Variants in SPHKAP observed in about 807,000 individuals in gnomAD.
SPHKAP encodes the protein SPHK1 interactor, AKAP domain containing.
A neutral mutation model predicts 137.5 loss-of-function variants in SPHKAP; 67 were observed. That is an observed-to-expected ratio of 0.49 (90% CI 0.40 to 0.60). SPHKAP has a LOEUF of 0.60. SPHKAP is among the 20% of genes least tolerant of loss of function. The pLI is 0.00. For missense variants in SPHKAP, 2,097 were observed against 2,069.3 expected (o/e 1.01, Z -0.26); for synonymous variants, 813 against 785.3 (o/e 1.04, Z -0.59).
chr2:228,127,597 C>T (rs924699653), intron 2 of SPHKAP, among the ~76,000 whole-genome samples: 8 of 152,078 alleles, frequency 5.3e-5, no homozygotes, highest in South Asian at 4.1e-4. Flanking sequence ...TTGCAGCAGC[C>T]CTTTCCAAGT....
intron 7 of SPHKAP, among the ~76,000 whole-genome samples, chr2:228,013,318 C>T (rs983209811): frequency 2.5e-4 from 38 of 152,178 alleles, no homozygotes; most frequent in African/African-American, 8.9e-4. Flanking sequence ...GAGGCACGAT[C>T]TCGGCTCACT....
intron 7 of SPHKAP, among the ~76,000 whole-genome samples, chr2:228,006,978 C>T (rs140913226): frequency 1.7e-4 from 26 of 152,274 alleles, no homozygotes; most frequent in African/African-American, 5.1e-4. Flanking sequence ...ATAGGCTACT[C>T]GGGGGTCAGG....
In SPHKAP at chr2:228,019,248, G is replaced by C; in HGVS notation, c.1606C>G (p.Leu536Val). Reference protein sequence around the residue: ...SNFPPGSSGALQTQAPQGLKE... With the variant: ...SNFPPGSSGAVQTQAPQGLKE... ...AGTCCTTGGGGTGCTTGAGTTTGCA[G>C]TGCACCACTGCTCCCTGGGGGAAAG... Residue 536 changes from leucine to valine, a missense_variant, in exon 7 of 12, where the codon CTG becomes GTG. Leu to Val is a conservative substitution (Grantham distance 32). Transcript: ENST00000392056. 6.2e-7 allele frequency: 1 copy of C among 1,613,946 alleles called. No individual in the cohort carries two copies. The highest frequency in any genetic ancestry group is 1.1e-5 in the South Asian group (1 of 91,088).
At chr2:228,031,863 C>A (rs1695339172) in intron 3 of SPHKAP, among the ~76,000 whole-genome samples, 3 of 152,162 alleles carry the variant, frequency 2.0e-5, no homozygotes, top group African/African-American at 7.2e-5. Flanking sequence ...GAAAGGACAT[C>A]CACACCAAAA....
At chr2:228,082,478 G>A (rs564040901) in intron 3 of SPHKAP, among the ~76,000 whole-genome samples, 1 of 152,242 alleles carries the variant, frequency 6.6e-6, no homozygotes, top group East Asian at 1.9e-4. Flanking sequence ...CAGGTGATAA[G>A]TGGGCAGAAA....
At chr2:228,031,038 G>C (rs11883639) in intron 3 of SPHKAP, among the ~76,000 whole-genome samples, 2 of 152,154 alleles carry the variant, frequency 1.3e-5, no homozygotes, top group East Asian at 3.9e-4. Flanking sequence ...TGGATGCAGC[G>C]CACCGTGCAT....
At chr2:228,041,650 A>G in intron 3 of SPHKAP, among the ~76,000 whole-genome samples, 1 of 148,944 alleles carries the variant, frequency 6.7e-6, no homozygotes. Context: ...CTGTCTCAAA[A>G]AAAAAAAAAA....
intron 3 of SPHKAP, among the ~76,000 whole-genome samples, chr2:228,028,757 A>G (rs147261471): frequency 3.8e-4 from 58 of 152,298 alleles, no homozygotes; most frequent in Non-Finnish European, 6.3e-4. Flanking sequence ...AGTATAGTCT[A>G]TGATGTTCAA....
At chr2:228,057,847 G>C (rs541232087) in intron 3 of SPHKAP, among the ~76,000 whole-genome samples, 33 of 152,220 alleles carry the variant, frequency 2.2e-4, no homozygotes, top group Admixed American at 5.2e-4. Context: ...GAAGCACTAG[G>C]AAGCCAATGA....
chr2:228,154,247 G>A (rs1225298140), intron 1 of SPHKAP, among the ~76,000 whole-genome samples: 3 of 151,040 alleles, frequency 2.0e-5, no homozygotes, highest in African/African-American at 7.3e-5. Flanking sequence ...CTTACAAGGG[G>A]AAAATATACC....
In SPHKAP at chr2:228,018,517, G is replaced by A. The variant is rs751777195; in HGVS notation, c.2337C>T (p.Asn779=). 6.2e-7 allele frequency: 1 copy of A among 1,614,158 alleles called. No individual in the cohort carries two copies. Among genetic ancestry groups the A allele is most frequent in the Non-Finnish European group, 8.5e-7 (1 of 1,180,022 alleles). Residue 779 remains asparagine (N), a synonymous_variant, in exon 7 of 12, where the codon AAC becomes AAT. Transcript: ENST00000392056. The part of the protein sequence containing the change: ...SSSSPLSNSH[N]TSLVINNLVD... ...CAAGATTGTTGATGACAAGACTCGT[G>A]TTGTGTGAATTGCTAAGTGGAGAGC...
rs539288434 is a variant in SPHKAP, at chr2:228,090,287, C to T, written c.246+18545G>A. Among the ~76,000 whole-genome samples the T allele has an allele frequency of 7.9e-5, 12 of 152,272 alleles. 1 individual carries two copies. The South Asian group carries it at 2.5e-3, about 32-fold the overall frequency. The stretch of plus-strand genomic sequence containing the variant: ...TGCTGGGATTCAGACTTACATGAGG[C>T]CTATTACCCCCTTCTTTTGGACAAT... On this transcript the variant is annotated intron_variant, in intron 3 of 11. Coordinates refer to ENST00000392056, the MANE Select transcript of SPHKAP (RefSeq NM_001142644.2).
chr2:228,064,604 C>T lies in SPHKAP; in HGVS notation c.247-37061G>A, dbSNP rs538987439. 3.9e-5 allele frequency among the ~76,000 whole-genome samples: 6 copies of T among 152,254 alleles called. No individual in the cohort carries two copies. The South Asian group carries it at 1.0e-3, about 26-fold the overall frequency. On this transcript the variant is annotated intron_variant, in intron 3 of 11. Transcript: ENST00000392056. ...TCAGTCATTTACGTTACCTTTCTTG[C>T]CCCTGTTGGTATTTAGGTTATATTT...
At chr2:228,098,958 A>C (rs1698096964) in intron 3 of SPHKAP, among the ~76,000 whole-genome samples, 1 of 152,006 alleles carries the variant, frequency 6.6e-6, no homozygotes, top group African/African-American at 2.4e-5. Flanking sequence ...TTGTTTGTGA[A>C]TATTCTCTCC....
At chr2:227,987,134 T>C (rs976257781) in intron 11 of SPHKAP, among the ~76,000 whole-genome samples, 3 of 152,214 alleles carry the variant, frequency 2.0e-5, no homozygotes, top group African/African-American at 7.2e-5. Context: ...TCACATCACT[T>C]GTGGGAAATT....
intron 3 of SPHKAP, among the ~76,000 whole-genome samples, chr2:228,065,898 AC>A (rs2106293977): frequency 6.6e-6 from 1 of 152,342 alleles, no homozygotes; most frequent in African/African-American, 2.4e-5. Flanking sequence ...CCTGCACTCA[AC>A]AAAATTATCA....
In SPHKAP at chr2:228,019,696, G is replaced by A; in HGVS notation, c.1158C>T (p.Val386=). 6.2e-7 allele frequency: 1 copy of A among 1,614,200 alleles called. No individual in the cohort carries two copies. Among genetic ancestry groups the A allele is most frequent in the Non-Finnish European group, 8.5e-7 (1 of 1,180,026 alleles). ...AATTTGTAGCATACTTGCCAGTGGT[G>A]ACTTCTCCATCTTGTCTAGGAGGGA... ...NALPPRQDGE[V]TTGKYATNLA... The change falls in exon 7 of 12, where the codon GTC becomes GTT. Residue 386 remains valine, a synonymous_variant. Coordinates refer to ENST00000392056, the MANE Select transcript of SPHKAP (RefSeq NM_001142644.2).
chr2:228,117,310 G>T (rs534616269), intron 2 of SPHKAP, among the ~76,000 whole-genome samples: 23 of 152,218 alleles, frequency 1.5e-4, no homozygotes, highest in South Asian at 4.1e-4. Flanking sequence ...AATTATTAAT[G>T]AATGTGTGCT....
At chr2:228,168,449 T>A (rs1574914841) in intron 1 of SPHKAP, among the ~76,000 whole-genome samples, 1 of 152,288 alleles carries the variant, frequency 6.6e-6, no homozygotes, top group South Asian at 2.1e-4. Flanking sequence ...ATTCTTGCAA[T>A]ATTTTAAAAT....
Sources: allele counts gnomAD v4.1 joint callset (sites outside exome capture counted in the v4.1 genomes callset), GRCh38; gene constraint gnomAD v4.1.1; transcripts MANE v1.5; gene names NCBI Gene and HGNC (gene_info 2026-07-23, HGNC 2026-07-21).